UBE3C: variants seen among roughly 807,000 people sequenced by gnomAD.
UBE3C encodes ubiquitin protein ligase E3C.
In UBE3C, 42 loss-of-function variants were observed where a neutral mutation model predicts 129.4. The ratio of observed to expected loss-of-function variants is 0.32; its 90% CI spans 0.25 to 0.42. The LOEUF (loss-of-function observed/expected upper bound fraction) is 0.42. Among genes scored for constraint, UBE3C ranks in the 10% least tolerant of loss-of-function variants. The pLI is 1.00. For missense variants in UBE3C, 1,049 were observed against 1,319.1 expected, an observed-to-expected ratio of 0.80 and a Z score of 3.17; for synonymous variants, 510 against 492.4, an observed-to-expected ratio of 1.04 and a Z score of -0.47.
At chr7:157,223,894 T>G (rs1375440811) in intron 16 of UBE3C, among the ~76,000 whole-genome samples, 2 of 152,186 alleles carry the variant, frequency 1.3e-5, no homozygotes, top group African/African-American at 4.8e-5. Context: ...CACTCCAGCC[T>G]GGGCAACAAA....
chr7:157,168,638 A>G (rs555500883), intron 2 of UBE3C, among the ~76,000 whole-genome samples: 1 of 152,368 alleles, frequency 6.6e-6, no homozygotes, highest in East Asian at 1.9e-4. Flanking sequence ...AAGTTCTCAC[A>G]TATGCTGTAA....
intron 1 of UBE3C, among the ~76,000 whole-genome samples, chr7:157,147,373 T>G (rs191379076): frequency 6.6e-6 from 1 of 152,354 alleles, no homozygotes; most frequent in African/African-American, 2.4e-5. Context: ...TGTACTAACC[T>G]TATGTCCTGA....
Position 157,225,168 on chromosome 7 carries a change from G to A in UBE3C, c.2101-239G>A, listed in dbSNP as rs572005274. 3.3e-5 allele frequency among the ~76,000 whole-genome samples: 5 copies of A among 151,998 alleles called. No individual in the cohort carries two copies. In the South Asian group the frequency reaches 8.3e-4, roughly 25 times the overall value. On this transcript the variant is annotated intron_variant, in intron 16 of 22. Transcript: ENST00000348165. ...CAGGCATGAGCCAATGTGCCTGGCCGGATTTTTAAAATTTATTTTAAACTG... is the reference window on the plus strand; with the variant it reads ...CAGGCATGAGCCAATGTGCCTGGCCAGATTTTTAAAATTTATTTTAAACTG...
rs181826819 is a variant in UBE3C at position 157,207,572 on chromosome 7, A to G, written c.1576+17A>G. 9.3e-6 allele frequency: 15 copies of G among 1,605,190 alleles called. No individual in the cohort carries two copies. Among genetic ancestry groups the G allele is most frequent in the Admixed American group, 7.0e-5 (4 of 57,514 alleles). ...CCATAGAAGGTAAGGATTTTGAGAAACCAGTTTGCTGCTGGCCACTTGGCC... is the reference window on the plus strand; with the variant it reads ...CCATAGAAGGTAAGGATTTTGAGAAGCCAGTTTGCTGCTGGCCACTTGGCC... On this transcript the variant is annotated intron_variant, in intron 12 of 22. Coordinates refer to ENST00000348165, the MANE Select transcript of UBE3C (RefSeq NM_014671.3).
At chr7:157,256,806 T>C in intron 21 of UBE3C, 108 bp from the exon 22 acceptor site, 1 of 1,446,156 alleles carries the variant, frequency 6.9e-7, no homozygotes, top group Non-Finnish European at 9.4e-7. Flanking sequence ...AGAAGGGACT[T>C]GAGGATCCAT....
In UBE3C at chr7:157,268,537, T is replaced by G. The variant is rs1797139432; in HGVS notation, c.*782T>G. On this transcript the variant is annotated 3_prime_UTR_variant, in exon 23 of 23. Coordinates refer to ENST00000348165, the MANE Select transcript of UBE3C (RefSeq NM_014671.3). ...CTGTCACCCACTATACCCAGTTACT[T>G]GGGGGAGGACAGACACTGTGGTGTC... 1.3e-5 allele frequency: 2 copies of G among 152,566 alleles called. No individual in the cohort carries two copies. The highest frequency in any genetic ancestry group is 2.9e-5 in the Non-Finnish European group (2 of 68,016). 9.5% of individuals were successfully genotyped at this position (152,566 alleles called of 1,614,324 possible).
chr7:157,193,219 A>G (rs1586678037), intron 10 of UBE3C, among the ~76,000 whole-genome samples: 1 of 152,242 alleles, frequency 6.6e-6, no homozygotes, highest in South Asian at 2.1e-4. Context: ...GCAAATTATT[A>G]TATATCTGTT....
intron 10 of UBE3C, among the ~76,000 whole-genome samples, chr7:157,187,485 G>A (rs550019206): frequency 6.6e-6 from 1 of 151,180 alleles, no homozygotes; most frequent in African/African-American, 2.4e-5. Context: ...GGGCTCAAGC[G>A]ATCCTTTCAC....
chr7:157,181,747 GATTTTAA>G, intron 7 of UBE3C, 76 bp downstream of exon 7: 1 of 1,519,162 alleles, frequency 6.6e-7, no homozygotes, highest in Non-Finnish European at 8.9e-7. Flanking sequence ...CATAGGATGT[GATTTTAA>G]ATATAGACTT....
intron 10 of UBE3C, among the ~76,000 whole-genome samples, chr7:157,187,846 G>T (rs1359259204): frequency 1.3e-5 from 2 of 152,088 alleles, no homozygotes; most frequent in African/African-American, 2.4e-5. Flanking sequence ...AAAGTGCTGG[G>T]ATTACAGACA....
At chr7:157,226,505 A>G (rs1441569160) in intron 17 of UBE3C, among the ~76,000 whole-genome samples, 4 of 152,260 alleles carry the variant, frequency 2.6e-5, no homozygotes, top group Non-Finnish European at 5.9e-5. Context: ...AAAATTAAAA[A>G]TGAAATCATC....
intron 4 of UBE3C, among the ~76,000 whole-genome samples, chr7:157,170,854 A>G (rs1808348789): frequency 6.6e-6 from 1 of 152,086 alleles, no homozygotes; most frequent in Admixed American, 6.6e-5. Flanking sequence ...ACATTTTATT[A>G]TTATTATATT....
chr7:157,156,950 T>C (rs1807926420), intron 1 of UBE3C, among the ~76,000 whole-genome samples: 1 of 152,184 alleles, frequency 6.6e-6, no homozygotes, highest in Non-Finnish European at 1.5e-5. Context: ...GAAGACAGCC[T>C]TATTTATAGT....
intron 22 of UBE3C, among the ~76,000 whole-genome samples, chr7:157,262,232 A>G (rs1317403305): frequency 6.6e-6 from 1 of 152,008 alleles, no homozygotes; most frequent in East Asian, 1.9e-4. Context: ...TTTGGTTCTC[A>G]TTCTAACATT....
At chr7:157,256,866 G>T in intron 21 of UBE3C, 48 bp from the exon 22 acceptor site, 1 of 1,610,018 alleles carries the variant, frequency 6.2e-7, no homozygotes. Flanking sequence ...GGTCCTGAAG[G>T]GTGGGTGTGC....
rs756354190 is a variant in UBE3C at position 157,178,866 on chromosome 7, C to G, written c.616+19C>G. 1.9e-6 allele frequency: 3 copies of G among 1,611,102 alleles called. No individual in the cohort carries two copies. Among genetic ancestry groups the G allele is most frequent in the Non-Finnish European group, 2.5e-6 (3 of 1,177,758 alleles). ...CACAATGGTAAGTAGTAGGCAGGAT[C>G]AGAACTGTGGCTCAGCATCCTGATG... is the stretch of plus-strand genomic sequence containing the variant. On this transcript the variant is annotated intron_variant, in intron 6 of 22. Coordinates refer to ENST00000348165, the MANE Select transcript of UBE3C (RefSeq NM_014671.3).
intron 19 of UBE3C, among the ~76,000 whole-genome samples, chr7:157,249,855 T>C (rs1302207391): frequency 6.6e-6 from 1 of 152,210 alleles, no homozygotes; most frequent in Non-Finnish European, 1.5e-5. Context: ...TCAAATACAC[T>C]CTGTGCATCC....
At chr7:157,233,609 G>A (rs1482236112) in intron 18 of UBE3C, among the ~76,000 whole-genome samples, 1 of 152,214 alleles carries the variant, frequency 6.6e-6, no homozygotes, top group South Asian at 2.1e-4. Context: ...CTCATCCCAG[G>A]CTGGAGTGCA....
intron 2 of UBE3C, among the ~76,000 whole-genome samples, chr7:157,165,283 C>T (rs1042259674): frequency 1.3e-5 from 2 of 151,892 alleles, no homozygotes; most frequent in African/African-American, 4.8e-5. Flanking sequence ...CGTCGTTTCC[C>T]ATATTTCCCT....
Sources: allele counts gnomAD v4.1 joint callset (sites outside exome capture counted in the v4.1 genomes callset), GRCh38; gene constraint gnomAD v4.1.1; transcripts MANE v1.5; gene names NCBI Gene and HGNC (gene_info 2026-07-23, HGNC 2026-07-21).